The following CDH18 variants were observed in gnomAD, a reference collection of about 807,000 sequenced individuals.
CDH18 encodes the protein cadherin-18.
CDH18 carries 31 observed loss-of-function variants against 67.9 expected under a neutral mutation model. The ratio of observed to expected loss-of-function variants is 0.46; its 90% confidence interval spans 0.34 to 0.62. The LOEUF (loss-of-function observed/expected upper bound fraction) is 0.62. Among genes scored for constraint, CDH18 ranks in the 20% least tolerant of loss-of-function variants. The pLI is 0.01. For missense variants in CDH18, 890 were observed against 975.5 expected (o/e 0.91, Z 1.17); for synonymous variants, 362 against 347.2 (o/e 1.04, Z -0.48).
At chr5:20,094,190 T>G (rs1234112727) in intron 2 of CDH18, among the ~76,000 whole-genome samples, 4 of 152,184 alleles carry the variant, frequency 2.6e-5, no homozygotes, top group Non-Finnish European at 4.4e-5. Flanking sequence ...AGTTTCAGAT[T>G]GAATTAAAGT....
intron 5 of CDH18, among the ~76,000 whole-genome samples, chr5:19,720,565 T>A (rs1010044334): frequency 1.3e-5 from 2 of 152,124 alleles, no homozygotes; most frequent in African/African-American, 2.4e-5. Flanking sequence ...TTTTTTATGG[T>A]TTTTGGATTC....
At chr5:20,399,390 C>T (rs556553156) in intron 1 of CDH18, among the ~76,000 whole-genome samples, 4 of 152,056 alleles carry the variant, frequency 2.6e-5, no homozygotes, top group South Asian at 4.2e-4. Context: ...AGAATGAATT[C>T]CTAGAGGAAG....
intron 2 of CDH18, among the ~76,000 whole-genome samples, chr5:20,017,225 T>G (rs1737954951): frequency 6.6e-6 from 1 of 152,160 alleles, no homozygotes; most frequent in African/African-American, 2.4e-5. Context: ...AAAGTTGGCT[T>G]TGGCTGAACA....
intron 1 of CDH18, among the ~76,000 whole-genome samples, chr5:20,285,938 C>A (rs1746665707): frequency 6.6e-6 from 1 of 151,526 alleles, no homozygotes; most frequent in Admixed American, 6.6e-5. Flanking sequence ...ACCTGTTCTG[C>A]ATATCTTTAG....
intron 11 of CDH18, among the ~76,000 whole-genome samples, chr5:19,500,848 C>T (rs943572492): frequency 4.6e-5 from 7 of 152,004 alleles, no homozygotes; most frequent in East Asian, 1.9e-4. Flanking sequence ...GGGTAATTAG[C>T]GGCCAGTCAC....
intron 2 of CDH18, among the ~76,000 whole-genome samples, chr5:20,244,923 A>C (rs1743263031): frequency 6.6e-6 from 1 of 152,128 alleles, no homozygotes; most frequent in Admixed American, 6.5e-5. Context: ...TCAGCCTTTA[A>C]ACAACAGATT....
At chr5:19,738,321 TA>T (rs890581666) in intron 4 of CDH18, among the ~76,000 whole-genome samples, 35 of 152,188 alleles carry the variant, frequency 2.3e-4, no homozygotes, top group African/African-American at 8.4e-4. Context: ...TTATTTTCTT[TA>T]AAAAAGACAT....
At chr5:19,828,115 C>T (rs1172121841) in intron 3 of CDH18, among the ~76,000 whole-genome samples, 1 of 151,998 alleles carries the variant, frequency 6.6e-6, no homozygotes, top group Admixed American at 6.6e-5. Flanking sequence ...ACAAACTAGA[C>T]AACCTAAAAG....
At chr5:19,734,729 G>A (rs1449132042) in intron 4 of CDH18, among the ~76,000 whole-genome samples, 1 of 152,062 alleles carries the variant, frequency 6.6e-6, no homozygotes, top group Non-Finnish European at 1.5e-5. Context: ...CATTAATCCA[G>A]TTTCAATGTC....
chr5:19,591,153 A>G lies in CDH18; in HGVS notation c.903T>C (p.Ala301=), dbSNP rs146786623. 1,382 of 1,612,590 alleles carry G rather than the reference A, an allele frequency of 8.6e-4. 3 individuals are homozygous for G. The highest frequency in any genetic ancestry group is 1.0e-3 in the Non-Finnish European group (1,230 of 1,179,042). Residue 301 remains alanine (A), a synonymous_variant, in exon 7 of 13, where the codon GCT becomes GCC. Transcript: ENST00000382275. ...CATTTATGATGGAGTAGGTCATGTC[A>G]GCATTTGAGCCAGTGTCAGCATCAT... ...KANDADTGSN[A]DMTYSIINGD...
At chr5:20,282,034 G>C in intron 1 of CDH18, among the ~76,000 whole-genome samples, 1 of 152,084 alleles carries the variant, frequency 6.6e-6, no homozygotes, top group East Asian at 1.9e-4. Flanking sequence ...TGGTGTATAA[G>C]AATACTTGTG....
chr5:19,759,052 G>T (rs1212854999), intron 3 of CDH18, among the ~76,000 whole-genome samples: 2 of 152,204 alleles, frequency 1.3e-5, no homozygotes, highest in Admixed American at 6.5e-5. Context: ...GCTTCTGGTG[G>T]GCCTTATGGA....
intron 2 of CDH18, among the ~76,000 whole-genome samples, chr5:20,229,198 G>A (rs952481984): frequency 7.9e-5 from 12 of 152,008 alleles, no homozygotes; most frequent in South Asian, 2.1e-4. Flanking sequence ...TCAGATTGTT[G>A]ATTTAAAAGC....
intron 4 of CDH18, among the ~76,000 whole-genome samples, chr5:19,730,810 G>A (rs1435462273): frequency 6.7e-6 from 1 of 148,802 alleles, no homozygotes; most frequent in Non-Finnish European, 1.5e-5. Context: ...AAAAAGTAAT[G>A]CATTTGTAGT....
At chr5:20,141,116 G>A (rs1033392789) in intron 2 of CDH18, among the ~76,000 whole-genome samples, 59 of 152,114 alleles carry the variant, frequency 3.9e-4, no homozygotes, top group African/African-American at 1.3e-3. Flanking sequence ...CTGAATCACA[G>A]TGTAAGTAGG....
At chr5:20,388,129 G>T (rs1328207241) in intron 1 of CDH18, among the ~76,000 whole-genome samples, 2 of 152,006 alleles carry the variant, frequency 1.3e-5, no homozygotes, top group East Asian at 1.9e-4. Flanking sequence ...TTGGAATAGT[G>T]TCAGAAGGAA....
At chr5:19,489,408 T>C (rs1332683340) in intron 11 of CDH18, among the ~76,000 whole-genome samples, 14 of 151,804 alleles carry the variant, frequency 9.2e-5, no homozygotes, top group East Asian at 7.8e-4. Flanking sequence ...CCACCACACC[T>C]GGCTAATGTT....
intron 5 of CDH18, among the ~76,000 whole-genome samples, chr5:19,614,965 G>A (rs150054452): frequency 0.012 from 1,882 of 152,114 alleles, 38 homozygotes; most frequent in East Asian, 0.067. Flanking sequence ...GGCTAACATG[G>A]TGAAACCCCG....
At chr5:19,970,304 C>G (rs1797901615) in intron 2 of CDH18, among the ~76,000 whole-genome samples, 1 of 151,404 alleles carries the variant, frequency 6.6e-6, no homozygotes, top group Non-Finnish European at 1.5e-5. Context: ...CTAAAAATTA[C>G]TGATACTGCC....
Sources: gnomAD v4.1 joint callset for allele counts (sites outside exome capture counted in the v4.1 genomes callset) on GRCh38, gnomAD v4.1.1 for gene constraint, MANE v1.5 for transcripts, NCBI Gene and HGNC (gene_info 2026-07-23, HGNC 2026-07-21) for gene names.